ZNF630: variants seen among roughly 807,000 people sequenced by gnomAD.
ZNF630 encodes zinc finger protein 630, also known as dJ54B20.2 (novel KRAB box containing C2H2 type zinc finger protein).
A neutral mutation model predicts 7.2 loss-of-function variants in ZNF630; 5 were observed. That is an observed-to-expected ratio of 0.70 (90% confidence interval 0.36 to 1.46). The LOEUF is 1.46. Ranked by LOEUF, ZNF630 falls within the 40% of genes most tolerant of loss-of-function variation. ZNF630 has a pLI of 0.03. For missense variants in ZNF630, 461 were observed against 477.0 expected (o/e 0.97, Z 0.31); for synonymous variants, 158 against 162.8 (o/e 0.97, Z 0.23).
intron 1 of ZNF630, among the ~76,000 whole-genome samples, chrX:48,069,270 CA>C (rs201225758): frequency 1.5e-4 from 15 of 101,970 alleles, no homozygotes; most frequent in Non-Finnish European, 1.8e-4. Flanking sequence ...GAAAAGAAAA[CA>C]AAAAAAAAAT....
At chrX:48,069,844 T>G (rs1316475747) in intron 1 of ZNF630, among the ~76,000 whole-genome samples, 2 of 33,191 alleles carry the variant, frequency 6.0e-5, no homozygotes, top group African/African-American at 1.7e-4. Flanking sequence ...ATTGTCTGTT[T>G]TTTTTTTTTT....
chrX:48,068,290 AG>A lies in ZNF630; in HGVS notation c.-175-1230del, dbSNP rs2059143252. The stretch of plus-strand genomic sequence containing the variant: ...AAGGAAGGAAGGAAGGAAGGAAGGA[AG>A]GAAGGAAGAAAGGGAGGAAGGGCAT... On this transcript the variant is annotated intron_variant, in intron 1 of 4. Coordinates refer to ENST00000276054, the MANE Select transcript of ZNF630 (RefSeq NM_001282201.2). Among the ~76,000 whole-genome samples, 24 of 106,933 alleles carry A rather than the reference AG, an allele frequency of 2.2e-4. 1 individual carries two copies. Among genetic ancestry groups the A allele is most frequent in the African/African-American group, 8.4e-4 (23 of 27,360 alleles). 92.9% of individuals were successfully genotyped at this position (106,933 alleles called of 115,157 possible).
rs2059085570 is a variant in ZNF630, at chrX:48,059,005, T to C, written c.1437A>G (p.Arg479=). 2.5e-6 allele frequency: 3 copies of C among 1,205,788 alleles called. No individual in the cohort carries two copies. In the African/African-American group the frequency reaches 5.3e-5, roughly 21 times the overall value. The part of the protein sequence containing the change: ...SQKSHLTGHQ[R]LHTGEKPYMC... ...TATAAGGTTTCTCTCCAGTATGAAG[T>C]CTTTGATGGCCAGTGAGGTGTGACT... Residue 479 remains arginine, a synonymous_variant, in exon 5 of 5, where the codon AGA becomes AGG. Coordinates refer to ENST00000276054, the MANE Select transcript of ZNF630 (RefSeq NM_001282201.2).
chrX:48,063,888 A>G (rs2059118257), intron 2 of ZNF630, among the ~76,000 whole-genome samples: 1 of 111,221 alleles, frequency 9.0e-6, no homozygotes, highest in Admixed American at 9.6e-5. Context: ...ACTTTGTCTC[A>G]AAAAAATATA....
Position 48,058,358 on chromosome X carries a change from GAGGAACATATTAGTCT to G in ZNF630, c.*94_*109del. 1.3e-6 allele frequency: 1 copy of G among 768,895 alleles called. No individual in the cohort carries two copies. The highest frequency in any genetic ancestry group is 1.8e-6 in the Non-Finnish European group (1 of 551,159). The allele number at this position is 768,895 out of a possible 1,213,427, so 63.4% of individuals were successfully genotyped here. ...CTGTGGAAGGGTAATCATGTATACT[GAGGAACATATTAGTCT>G]ATTCTACAGTTGAGAAGTTGTCACT... is the stretch of plus-strand genomic sequence containing the variant. On this transcript the variant is annotated 3_prime_UTR_variant, in exon 5 of 5. Coordinates refer to ENST00000276054, the MANE Select transcript of ZNF630 (RefSeq NM_001282201.2).
chrX:48,065,139 A>G (rs962290085), intron 2 of ZNF630, among the ~76,000 whole-genome samples: 1 of 111,984 alleles, frequency 8.9e-6, no homozygotes, highest in Non-Finnish European at 1.9e-5. Flanking sequence ...TGAATATGTA[A>G]TTTAAAACCT....
chrX:48,069,485 A>AT (rs201164066), intron 1 of ZNF630, among the ~76,000 whole-genome samples: 1,521 of 111,441 alleles, frequency 0.014, 29 homozygotes, highest in African/African-American at 0.048. Flanking sequence ...AGATTTTGGT[A>AT]TTACATGAGC....
intron 2 of ZNF630, among the ~76,000 whole-genome samples, chrX:48,063,702 A>G (rs1188139583): frequency 9.0e-6 from 1 of 110,689 alleles, no homozygotes; most frequent in African/African-American, 3.3e-5. Flanking sequence ...AGCCTGCCCA[A>G]CATGGTGAAA....
At chrX:48,070,282 A>G (rs1167087269) in intron 1 of ZNF630, among the ~76,000 whole-genome samples, 1 of 109,994 alleles carries the variant, frequency 9.1e-6, no homozygotes, top group Non-Finnish European at 1.9e-5. Context: ...TGCAAAACAC[A>G]TACCACTACT....
intron 1 of ZNF630, among the ~76,000 whole-genome samples, chrX:48,069,058 A>G (rs1569422556): frequency 9.1e-6 from 1 of 110,411 alleles, no homozygotes. Flanking sequence ...TGAGCAACAT[A>G]GTGAGACCTC....
Position 48,067,134 on chromosome X carries a change from C to T in ZNF630, c.-175-73G>A, listed in dbSNP as rs149023184. Reference sequence around the variant, plus strand: ...TTCAACACAGTTTTGTCTTTAACACCATATTATTGAAAATAACACAAATGC... The same window carrying T: ...TTCAACACAGTTTTGTCTTTAACACTATATTATTGAAAATAACACAAATGC... On this transcript the variant is annotated intron_variant, in intron 1 of 4. Transcript: ENST00000276054. The T allele has an allele frequency of 2.3e-3, 827 of 363,001 alleles. 17 individuals are homozygous for T. The highest frequency in any genetic ancestry group is 0.02 in the African/African-American group (777 of 38,066). The allele number at this position is 363,001 out of a possible 1,213,427, so 29.9% of individuals were successfully genotyped here. A position where few individuals can be genotyped will look rare whatever the true frequency, so the allele number is the denominator to read the frequency against.
rs1239540649 is a variant in ZNF630 at position 48,066,855 on chromosome X, G to T, written c.15+17C>A. 1.7e-6 allele frequency: 2 copies of T among 1,206,365 alleles called. No homozygotes were observed. Among genetic ancestry groups the T allele is most frequent in the East Asian group, 5.9e-5 (2 of 33,718 alleles). On this transcript the variant is annotated intron_variant, in intron 2 of 4. Transcript: ENST00000276054. ...CATTTTGTTGTGGGAAAACCAAGTG[G>T]CAAACAAATAACTTACCTGGGACTC... is the stretch of plus-strand genomic sequence containing the variant.
intron 4 of ZNF630, 31 bp from the exon 5 acceptor site, chrX:48,060,234 T>TACACAC (rs56253151): frequency 8.8e-6 from 5 of 567,533 alleles, no homozygotes; most frequent in African/African-American, 8.2e-5. Flanking sequence ...GAAAATCAAA[T>TACACAC]ACACACACAC....
intron 4 of ZNF630, 96 bp downstream of exon 4, chrX:48,060,354 C>A: frequency 2.0e-6 from 2 of 1,006,559 alleles, no homozygotes; most frequent in Non-Finnish European, 2.7e-6. Context: ...ATAAAGGAGG[C>A]CTGATAAATT....
chrX:48,059,977 G>A lies in ZNF630; in HGVS notation c.465C>T (p.Tyr155=). 8.3e-7 allele frequency: 1 copy of A among 1,208,422 alleles called. No homozygotes were observed. Among genetic ancestry groups the A allele is most frequent in the Non-Finnish European group, 1.1e-6 (1 of 893,249 alleles). The change falls in exon 5 of 5, where the codon TAC becomes TAT. Residue 155 remains tyrosine, a synonymous_variant. Transcript: ENST00000276054. ...ETLTDEMGSK[Y]SAFGKMFNRC... ...GATTGAACATTTTCCCAAATGCACT[G>A]TACTTGGAACCCATCTCATCAGTCA...
Position 48,058,696 on chromosome X carries a change from T to G in ZNF630, c.1746A>C (p.Gly582=). 8.3e-7 allele frequency: 1 copy of G among 1,207,525 alleles called. No homozygotes were observed. Among genetic ancestry groups the G allele is most frequent in the Non-Finnish European group, 1.1e-6 (1 of 892,694 alleles). ...ECSECGKAFC[G]KSPLIIHQKT... is the part of the protein sequence containing the mutation. ...TCTGATGTATAATGAGTGGAGACTT[T>G]CCACAGAAGGCCTTTCCACATTCAC... Residue 582 remains glycine (G), a synonymous_variant, in exon 5 of 5, where the codon GGA becomes GGC. Transcript: ENST00000276054.
At position 48,060,198 on chromosome X, in the gene ZNF630, CTCTG is replaced by C; in HGVS notation, c.240_243del (p.Asp80GlufsTer2). On this transcript the variant is annotated frameshift_variant and splice_region_variant, in exon 5 of 5. Transcript: ENST00000276054. LOFTEE classifies it low-confidence loss of function (END_TRUNC). ...TGCTGGGAAGATTCAAGGCCTTTCA[CTCTG>C]TCTGAAGGAAGAAGAAAGAGGGAAA... 1 of 1,135,887 alleles carries C rather than the reference CTCTG, an allele frequency of 8.8e-7. No homozygotes were observed. The highest frequency in any genetic ancestry group is 2.8e-5 in the Admixed American group (1 of 35,494). The allele number at this position is 1,135,887 out of a possible 1,213,427, so 93.6% of individuals were successfully genotyped here.
At chrX:48,066,401 T>C (rs1167932538) in intron 2 of ZNF630, 1 of 111,027 alleles carries the variant, frequency 9.0e-6, no homozygotes, top group Non-Finnish European at 1.9e-5. Context: ...CCACAAACTC[T>C]GAGATGACAG....
chrX:48,066,717 G>T (rs1556910141), intron 2 of ZNF630, 155 bp downstream of exon 2: 1 of 655,006 alleles, frequency 1.5e-6, no homozygotes, highest in Non-Finnish European at 2.3e-6. Flanking sequence ...TTTTAGCTAA[G>T]TTTCTATGAA....
Sources: allele counts gnomAD v4.1 joint callset (sites outside exome capture counted in the v4.1 genomes callset), GRCh38; gene constraint gnomAD v4.1.1; transcripts MANE v1.5; gene names NCBI Gene and HGNC (gene_info 2026-07-23, HGNC 2026-07-21).